The following TMEM132D variants were observed in gnomAD, a reference collection of about 807,000 sequenced individuals.
TMEM132D encodes the protein transmembrane protein 132D.
Under a neutral mutation model 62.3 loss-of-function variants are expected in TMEM132D, and 21 were observed. The observed-to-expected ratio is 0.34, with a 90% CI of 0.24 to 0.49. The LOEUF (loss-of-function observed/expected upper bound fraction) is 0.49, where lower values mean the gene tolerates loss of function less well. TMEM132D is among the 20% of genes least tolerant of loss of function. The probability of loss-of-function intolerance (pLI) is 0.99; values close to 1 mark genes in which losing one functional copy is unlikely to be tolerated. For synonymous variants in TMEM132D, 621 were observed against 575.6 expected (o/e 1.08, Z -1.13); for missense variants, 1,346 against 1,402.8 (o/e 0.96, Z 0.65).
intron 3 of TMEM132D, among the ~76,000 whole-genome samples, chr12:129,493,043 C>T (rs569492345): frequency 2.0e-5 from 3 of 152,168 alleles, no homozygotes; most frequent in Non-Finnish European, 4.4e-5. Context: ...AGGGAATCCA[C>T]GCCCTCCTAA....
chr12:129,705,318 G>T (rs544993822), intron 1 of TMEM132D, among the ~76,000 whole-genome samples: 5 of 152,180 alleles, frequency 3.3e-5, no homozygotes, highest in African/African-American at 1.2e-4. Context: ...AGAGAAAACC[G>T]AAAACACCAC....
At chr12:129,080,266 G>T in intron 7 of TMEM132D, among the ~76,000 whole-genome samples, 1 of 152,316 alleles carries the variant, frequency 6.6e-6, no homozygotes, top group South Asian at 2.1e-4. Flanking sequence ...GTAGACTTGC[G>T]TTTCTTCTTG....
intron 2 of TMEM132D, among the ~76,000 whole-genome samples, chr12:129,582,990 C>T (rs544330837): frequency 3.3e-5 from 5 of 151,978 alleles, no homozygotes; most frequent in Middle Eastern, 3.4e-3. Context: ...AGTGCAGTGG[C>T]ACGAGCTCAG....
At chr12:129,483,691 T>C (rs1874494864) in intron 3 of TMEM132D, among the ~76,000 whole-genome samples, 1 of 152,172 alleles carries the variant, frequency 6.6e-6, no homozygotes, top group South Asian at 2.1e-4. Context: ...ACGTGTGGCT[T>C]CTGCCAAAAT....
Position 129,449,366 on chromosome 12 carries a change from T to G in TMEM132D, c.1115+81693A>C, listed in dbSNP as rs985960850. Among the ~76,000 whole-genome samples the G allele has an allele frequency of 3.3e-5, 5 of 152,188 alleles. No individual in the cohort carries two copies. In the East Asian group the frequency reaches 7.7e-4, roughly 23 times the overall value. On this transcript the variant is annotated intron_variant, in intron 3 of 8. Transcript: ENST00000422113. ...TGTTAAGGAATGAATAATTAAGGAA[T>G]GAGTAACCAACCAGCTCAGCTTCTA...
chr12:129,337,010 C>G (rs765617487), intron 4 of TMEM132D, among the ~76,000 whole-genome samples: 8 of 152,168 alleles, frequency 5.3e-5, no homozygotes, highest in Non-Finnish European at 1.2e-4. Context: ...TCAAATAAAA[C>G]AGTAAGAGCC....
chr12:129,262,958 TGGTTGG>T (rs144907060), intron 4 of TMEM132D: 10,680 of 152,998 alleles, frequency 0.07, 560 homozygotes, highest in Admixed American at 0.17. Flanking sequence ...CTCTGGCTTC[TGGTTGG>T]GGTTGGGGTT....
At chr12:129,431,360 CCT>C in intron 3 of TMEM132D, among the ~76,000 whole-genome samples, 1 of 152,274 alleles carries the variant, frequency 6.6e-6, no homozygotes, top group South Asian at 2.1e-4. Context: ...AAATTTCTTC[CCT>C]GTTTATCTCT....
intron 2 of TMEM132D, among the ~76,000 whole-genome samples, chr12:129,687,684 C>T (rs1880965110): frequency 6.6e-6 from 1 of 152,050 alleles, no homozygotes; most frequent in South Asian, 2.1e-4. Context: ...GCAGCAGAGG[C>T]TTGTTGGTAT....
At chr12:129,745,522 C>T (rs571443579) in intron 1 of TMEM132D, among the ~76,000 whole-genome samples, 4 of 152,206 alleles carry the variant, frequency 2.6e-5, no homozygotes, top group South Asian at 2.1e-4. Context: ...TGTGAGTGCA[C>T]GGATTCAACC....
chr12:129,427,159 T>C (rs139526452), intron 3 of TMEM132D, among the ~76,000 whole-genome samples: 276 of 152,336 alleles, frequency 1.8e-3, no homozygotes, highest in African/African-American at 6.3e-3. Flanking sequence ...TATGTATGGA[T>C]TTGAATCCTA....
chr12:129,149,187 T>C (rs562840654), intron 5 of TMEM132D, among the ~76,000 whole-genome samples: 23 of 124,400 alleles, frequency 1.8e-4, no homozygotes, highest in Non-Finnish European at 3.4e-4. Flanking sequence ...TGAGAACACA[T>C]GGACACAGGG....
chr12:129,422,709 C>A (rs1566063804), intron 3 of TMEM132D, among the ~76,000 whole-genome samples: 2 of 151,916 alleles, frequency 1.3e-5, no homozygotes, highest in East Asian at 1.9e-4. Flanking sequence ...AAGAAAATCA[C>A]CAGTAAGTAA....
At chr12:129,412,787 A>T (rs752914092) in intron 3 of TMEM132D, among the ~76,000 whole-genome samples, 19 of 152,190 alleles carry the variant, frequency 1.2e-4, no homozygotes, top group Non-Finnish European at 2.6e-4. Flanking sequence ...CTGGAGGCAG[A>T]GGTTGCAGTG....
At chr12:129,508,988 T>G (rs2137072626) in intron 3 of TMEM132D, among the ~76,000 whole-genome samples, 1 of 152,272 alleles carries the variant, frequency 6.6e-6, no homozygotes, top group African/African-American at 2.4e-5. Context: ...GTGGGTGAAC[T>G]AAAATGTATC....
At chr12:129,288,021 C>G (rs1225081735) in intron 4 of TMEM132D, among the ~76,000 whole-genome samples, 1 of 152,190 alleles carries the variant, frequency 6.6e-6, no homozygotes, top group African/African-American at 2.4e-5. Context: ...ATTGTTTTGA[C>G]TATTTGGTGT....
chr12:129,771,870 CA>C (rs1387947446), intron 1 of TMEM132D, among the ~76,000 whole-genome samples: 2 of 152,206 alleles, frequency 1.3e-5, no homozygotes, highest in Non-Finnish European at 2.9e-5. Flanking sequence ...AATATTAGCT[CA>C]TCAATTTGCA....
At position 129,600,845 on chromosome 12, in the gene TMEM132D, A is replaced by G. The variant is rs186658759; in HGVS notation, c.969-69640T>C. Among the ~76,000 whole-genome samples the G allele has an allele frequency of 4.0e-3, 604 of 152,258 alleles. 2 individuals are homozygous for G. The highest frequency in any genetic ancestry group is 0.014 in the African/African-American group (572 of 41,546). On this transcript the variant is annotated intron_variant, in intron 2 of 8. Coordinates refer to ENST00000422113, the MANE Select transcript of TMEM132D (RefSeq NM_133448.3). ...CCAGGCTTTGTTGTTCCATTTATAG[A>G]ACACAGGCAGGGTAGAGTAAGCATA...
intron 4 of TMEM132D, among the ~76,000 whole-genome samples, chr12:129,267,288 T>C (rs1296145057): frequency 2.0e-5 from 3 of 152,154 alleles, no homozygotes; most frequent in Non-Finnish European, 2.9e-5. Context: ...GAAAACCCCA[T>C]CGTCTCAGCC....
Sources: gnomAD v4.1 joint callset for allele counts (sites outside exome capture counted in the v4.1 genomes callset) on GRCh38, gnomAD v4.1.1 for gene constraint, MANE v1.5 for transcripts, NCBI Gene and HGNC (gene_info 2026-07-23, HGNC 2026-07-21) for gene names.